Variants in FREM2 observed in about 807,000 individuals in gnomAD.
FREM2 encodes the protein FRAS1 related extracellular matrix 2.
In FREM2, 119 loss-of-function variants were observed where a neutral mutation model predicts 219.9. The ratio of observed to expected loss-of-function variants is 0.54; its 90% CI spans 0.47 to 0.63. FREM2 has a LOEUF of 0.63. Ranked by LOEUF, FREM2 falls within the 30% of genes least tolerant of loss-of-function variation. FREM2 has a pLI of 0.00. For missense variants in FREM2, 4,030 were observed against 3,993.6 expected (o/e 1.01, Z -0.25); for synonymous variants, 1,562 against 1,522.8 (o/e 1.03, Z -0.60).
intron 2 of FREM2, among the ~76,000 whole-genome samples, chr13:38,707,117 T>TA (rs1025151506): frequency 1.3e-5 from 2 of 152,040 alleles, no homozygotes; most frequent in African/African-American, 4.8e-5. Context: ...CTGCCCTTTA[T>TA]AAAAAAAATT....
At chr13:38,874,762 C>A (rs964589907) in intron 18 of FREM2, among the ~76,000 whole-genome samples, 176 bp downstream of exon 18, 2 of 152,052 alleles carry the variant, frequency 1.3e-5, no homozygotes, top group Admixed American at 1.3e-4. Context: ...ACCTCATAAT[C>A]CACAAAATTA....
chr13:38,808,731 A>G (rs1181402379), intron 6 of FREM2, among the ~76,000 whole-genome samples: 1 of 151,946 alleles, frequency 6.6e-6, no homozygotes, highest in Non-Finnish European at 1.5e-5. Context: ...AAGATCACTG[A>G]TCATAGGACA....
At chr13:38,738,077 G>A (rs577938861) in intron 2 of FREM2, among the ~76,000 whole-genome samples, 1 of 152,252 alleles carries the variant, frequency 6.6e-6, no homozygotes, top group South Asian at 2.1e-4. Flanking sequence ...AGGTATGGGA[G>A]TGACTGAATC....
intron 6 of FREM2, among the ~76,000 whole-genome samples, chr13:38,812,713 T>C (rs1228795492): frequency 1.3e-5 from 2 of 151,936 alleles, no homozygotes; most frequent in African/African-American, 4.8e-5. Context: ...AAACCCTGTC[T>C]CTACAATAAA....
At position 38,883,250 on chromosome 13, in the gene FREM2, T is replaced by C. The variant is rs956746277; in HGVS notation, c.*2463T>C. On this transcript the variant is annotated 3_prime_UTR_variant, in exon 24 of 24. Transcript: ENST00000280481. ...TCTTAATATCTATTTACTAAGTATG[T>C]AATTTAATATACATTAATTATTTTT... 2 of 152,202 alleles carry C rather than the reference T, an allele frequency of 1.3e-5. No homozygotes were observed. The highest frequency in any genetic ancestry group is 2.4e-5 in the African/African-American group (1 of 41,470). 9.4% of individuals were successfully genotyped at this position (152,202 alleles called of 1,614,324 possible). A position where few individuals can be genotyped will look rare whatever the true frequency, so the allele number is the denominator to read the frequency against.
At chr13:38,845,058 AG>A (rs1416380652) in intron 6 of FREM2, among the ~76,000 whole-genome samples, 4 of 150,184 alleles carry the variant, frequency 2.7e-5, no homozygotes, top group Non-Finnish European at 4.4e-5. Flanking sequence ...ACTATGTTAT[AG>A]GGACATTTAT....
Position 38,691,051 on chromosome 13 carries a change from G to A in FREM2, c.3707G>A (p.Gly1236Asp). Residue 1236 changes from glycine to aspartate, a missense_variant, in exon 1 of 24, where the codon GGT becomes GAT. Gly to Asp is a moderately conservative substitution (Grantham distance 94, BLOSUM62 -1). Coordinates refer to ENST00000280481, the MANE Select transcript of FREM2 (RefSeq NM_207361.6). ...TFTITQFPTH[G>D]HIMNQLINGT... is the part of the protein sequence containing the mutation. The stretch of plus-strand genomic sequence containing the variant: ...ACTATTACCCAATTCCCCACTCATG[G>A]TCACATCATGAATCAGCTGATAAAT... The A allele has an allele frequency of 6.2e-7, 1 of 1,614,038 alleles. No homozygotes were observed. Among genetic ancestry groups the A allele is most frequent in the Non-Finnish European group, 8.5e-7 (1 of 1,179,998 alleles).
chr13:38,818,458 A>G (rs1045073364), intron 6 of FREM2, among the ~76,000 whole-genome samples: 1 of 152,108 alleles, frequency 6.6e-6, no homozygotes, highest in Non-Finnish European at 1.5e-5. Context: ...ACATGATGTC[A>G]CTCATATGTG....
chr13:38,705,175 G>A (rs908450179), intron 2 of FREM2, among the ~76,000 whole-genome samples: 4 of 152,166 alleles, frequency 2.6e-5, no homozygotes, highest in Admixed American at 2.0e-4. Context: ...ACATGAGGCC[G>A]ATGCAGAAAG....
At chr13:38,822,915 G>A (rs1357316817) in intron 6 of FREM2, among the ~76,000 whole-genome samples, 1 of 152,066 alleles carries the variant, frequency 6.6e-6, no homozygotes, top group East Asian at 1.9e-4. Flanking sequence ...CAATGATTTT[G>A]TCATGTGTGA....
Position 38,764,376 on chromosome 13 carries a change from T to C in FREM2, c.5336T>C (p.Leu1779Pro). Reference protein sequence around the residue: ...AWISFEKEYYLVNEDSKFLDV... With the variant: ...AWISFEKEYYPVNEDSKFLDV... ...ATCTCCTTTGAAAAGGAATATTACC[T>C]GGTCAATGAGGACTCCAAATTTCTA... is the stretch of plus-strand genomic sequence containing the variant. Residue 1779 changes from leucine to proline, a missense_variant, in exon 3 of 24, where the codon CTG becomes CCG. Leu to Pro is a moderately conservative substitution (Grantham distance 98, BLOSUM62 -3). Around this residue, in one of 2 missense-constraint regions of FREM2, gnomAD observed 3,102 missense variants for 2,950.7 expected, o/e 1.05. Transcript: ENST00000280481. The C allele has an allele frequency of 6.2e-7, 1 of 1,605,814 alleles. No homozygotes were observed. Among genetic ancestry groups the C allele is most frequent in the Non-Finnish European group, 8.5e-7 (1 of 1,172,736 alleles).
At chr13:38,712,471 C>A (rs149078969) in intron 2 of FREM2, among the ~76,000 whole-genome samples, 1 of 152,198 alleles carries the variant, frequency 6.6e-6, no homozygotes, top group African/African-American at 2.4e-5. Context: ...TTTACATAGA[C>A]CCTTCAAGTA....
At chr13:38,699,060 A>T (rs1050158292) in intron 2 of FREM2, among the ~76,000 whole-genome samples, 3 of 152,210 alleles carry the variant, frequency 2.0e-5, no homozygotes, top group African/African-American at 7.2e-5. Context: ...TTTGCTGCTC[A>T]AATGGGAAAT....
chr13:38,751,183 A>G (rs1047452783), intron 2 of FREM2, among the ~76,000 whole-genome samples: 8 of 129,912 alleles, frequency 6.2e-5, no homozygotes, highest in South Asian at 2.6e-4. Flanking sequence ...GCTGGATCAT[A>G]TGACAGTTCT....
rs1023222711 is a variant in FREM2 at position 38,830,308 on chromosome 13, C to G, written c.6020-16265C>G. 2.6e-5 allele frequency among the ~76,000 whole-genome samples: 4 copies of G among 152,194 alleles called. No homozygotes were observed. In the East Asian group the frequency reaches 5.8e-4, roughly 22 times the overall value. ...AAGCAGGATATCACCCAGTCATCCACTTTGATACTGTCCTTCACATGTGAT... is the reference window on the plus strand; with the variant it reads ...AAGCAGGATATCACCCAGTCATCCAGTTTGATACTGTCCTTCACATGTGAT... On this transcript the variant is annotated intron_variant, in intron 6 of 23. Transcript: ENST00000280481.
chr13:38,835,918 A>G (rs1876687605), intron 6 of FREM2, among the ~76,000 whole-genome samples: 1 of 152,196 alleles, frequency 6.6e-6, no homozygotes, highest in Non-Finnish European at 1.5e-5. Context: ...CTCTCTTCCT[A>G]TATGAATACC....
intron 2 of FREM2, among the ~76,000 whole-genome samples, chr13:38,756,967 A>T (rs1321552287): frequency 6.6e-6 from 1 of 152,162 alleles, no homozygotes; most frequent in East Asian, 1.9e-4. Flanking sequence ...CAAAGCACAG[A>T]GTGTCAGGTG....
chr13:38,805,398 A>G (rs140324453), intron 6 of FREM2, among the ~76,000 whole-genome samples: 190 of 152,018 alleles, frequency 1.2e-3, no homozygotes, highest in African/African-American at 2.6e-3. Flanking sequence ...CTGAGGTACC[A>G]TTATAGGAGG....
chr13:38,852,652 T>TA (rs1298425572), intron 11 of FREM2, among the ~76,000 whole-genome samples: 3 of 151,872 alleles, frequency 2.0e-5, no homozygotes. Context: ...AGGAGCCACT[T>TA]AGAGATGTCT....
Sources: gnomAD v4.1 joint callset for allele counts (sites outside exome capture counted in the v4.1 genomes callset) on GRCh38, gnomAD v4.1.1 for gene constraint, gnomAD v4.1.1 regional missense constraint, MANE v1.5 for transcripts, NCBI Gene and HGNC (gene_info 2026-07-23, HGNC 2026-07-21) for gene names.